Variants in PCDH9 observed in about 807,000 individuals in gnomAD.
PCDH9 encodes the protein protocadherin-9.
PCDH9 carries 24 observed loss-of-function variants against 70.6 expected under a neutral mutation model. That is an observed-to-expected ratio of 0.34 (90% CI 0.25 to 0.48). PCDH9 has a LOEUF of 0.48. Ranked by LOEUF, PCDH9 falls within the 20% of genes least tolerant of loss-of-function variation. The pLI, the probability that PCDH9 is intolerant of heterozygous loss-of-function variation, is 0.99. For synonymous variants in PCDH9, 562 were observed against 558.5 expected, an observed-to-expected ratio of 1.01 and a Z score of -0.09; for missense variants, 1,281 against 1,503.6, an observed-to-expected ratio of 0.85 and a Z score of 2.45.
At chr13:66,545,516 G>T (rs1247615885) in intron 4 of PCDH9, among the ~76,000 whole-genome samples, 1 of 152,142 alleles carries the variant, frequency 6.6e-6, no homozygotes, top group Non-Finnish European at 1.5e-5. Flanking sequence ...ACACAGTAAT[G>T]TGCCATATTA....
At chr13:67,189,301 A>G (rs2088847099) in intron 2 of PCDH9, among the ~76,000 whole-genome samples, 1 of 151,924 alleles carries the variant, frequency 6.6e-6, no homozygotes, top group South Asian at 2.1e-4. Context: ...TAAAAAGCAT[A>G]CTGTAACTTT....
At chr13:66,523,833 T>A (rs1231516643) in intron 4 of PCDH9, among the ~76,000 whole-genome samples, 3 of 152,130 alleles carry the variant, frequency 2.0e-5, no homozygotes, top group Admixed American at 6.6e-5. Context: ...AACAATTTTT[T>A]ATGATTTTTA....
chr13:67,154,648 A>G (rs1469790913), intron 2 of PCDH9, among the ~76,000 whole-genome samples: 1 of 103,390 alleles, frequency 9.7e-6, no homozygotes, highest in Non-Finnish European at 2.4e-5. Flanking sequence ...ACACACACAT[A>G]CAAGATACTC....
At chr13:67,182,181 A>G (rs1337329625) in intron 2 of PCDH9, among the ~76,000 whole-genome samples, 1 of 152,180 alleles carries the variant, frequency 6.6e-6, no homozygotes, top group African/African-American at 2.4e-5. Flanking sequence ...AACTACCTCC[A>G]TAATATTTCT....
intron 4 of PCDH9, among the ~76,000 whole-genome samples, chr13:66,585,658 A>G (rs577752305): frequency 6.6e-6 from 1 of 152,208 alleles, no homozygotes; most frequent in Non-Finnish European, 1.5e-5. Flanking sequence ...ATCTAATGAC[A>G]CTAACACTAG....
chr13:66,674,592 A>G (rs1200915766), intron 3 of PCDH9, among the ~76,000 whole-genome samples: 2 of 152,116 alleles, frequency 1.3e-5, no homozygotes, highest in Non-Finnish European at 2.9e-5. Context: ...AAATTGAAAT[A>G]AGAACTTTTC....
intron 3 of PCDH9, among the ~76,000 whole-genome samples, chr13:66,842,160 TTA>T (rs1219815033): frequency 6.6e-6 from 1 of 152,200 alleles, no homozygotes; most frequent in East Asian, 1.9e-4. Flanking sequence ...TAATTTAAAA[TTA>T]TGTTTTTCCT....
At chr13:66,496,809 A>G (rs1369589811) in intron 4 of PCDH9, among the ~76,000 whole-genome samples, 1 of 152,204 alleles carries the variant, frequency 6.6e-6, no homozygotes, top group Non-Finnish European at 1.5e-5. Flanking sequence ...AGTGGCAAGA[A>G]CAAATGCAAG....
chr13:66,531,427 A>T (rs1960449224), intron 4 of PCDH9, among the ~76,000 whole-genome samples: 1 of 152,132 alleles, frequency 6.6e-6, no homozygotes, highest in East Asian at 1.9e-4. Context: ...CAATCTGGAG[A>T]TCGAAAGCAC....
chr13:66,713,645 ATATATATAAT>A (rs2139135366), intron 3 of PCDH9, among the ~76,000 whole-genome samples: 1 of 144,082 alleles, frequency 6.9e-6, no homozygotes, highest in African/African-American at 2.6e-5. Flanking sequence ...ATATATATAT[ATATATATAAT>A]GTACACACAC....
chr13:66,748,826 G>A (rs2079412445), intron 3 of PCDH9, among the ~76,000 whole-genome samples: 1 of 152,092 alleles, frequency 6.6e-6, no homozygotes, highest in African/African-American at 2.4e-5. Context: ...TCTCTAATGT[G>A]GTTTGGCTCT....
intron 2 of PCDH9, among the ~76,000 whole-genome samples, chr13:67,169,847 A>G (rs1420045672): frequency 6.6e-6 from 1 of 152,204 alleles, no homozygotes; most frequent in Non-Finnish European, 1.5e-5. Flanking sequence ...GTTAATTGCT[A>G]AAAGACTCAC....
intron 3 of PCDH9, among the ~76,000 whole-genome samples, chr13:66,680,392 C>T (rs1479807962): frequency 6.6e-6 from 1 of 151,914 alleles, no homozygotes; most frequent in Non-Finnish European, 1.5e-5. Flanking sequence ...ATTTCTGCAA[C>T]CTGTGATATT....
intron 2 of PCDH9, among the ~76,000 whole-genome samples, chr13:67,198,430 T>C (rs906004814): frequency 6.6e-6 from 1 of 151,930 alleles, no homozygotes; most frequent in African/African-American, 2.4e-5. Flanking sequence ...AGTTTTCTTT[T>C]GAATTCACAG....
chr13:67,155,467 T>C (rs903763154), intron 2 of PCDH9, among the ~76,000 whole-genome samples: 35 of 152,194 alleles, frequency 2.3e-4, no homozygotes, highest in Admixed American at 2.0e-4. Flanking sequence ...TATTTTGAAA[T>C]TGGATCATAA....
intron 3 of PCDH9, among the ~76,000 whole-genome samples, chr13:66,752,007 G>T (rs1566170358): frequency 6.6e-6 from 1 of 152,164 alleles, no homozygotes; most frequent in Non-Finnish European, 1.5e-5. Flanking sequence ...AATTTACTAT[G>T]ATTAAGGAGA....
intron 2 of PCDH9, among the ~76,000 whole-genome samples, chr13:67,187,374 C>T (rs764887871): frequency 7.9e-5 from 12 of 152,038 alleles, no homozygotes; most frequent in African/African-American, 1.4e-4. Context: ...CCAAAGTGTC[C>T]GCGAATGGAT....
At chr13:67,189,137 T>C (rs1056153661) in intron 2 of PCDH9, among the ~76,000 whole-genome samples, 4 of 151,858 alleles carry the variant, frequency 2.6e-5, no homozygotes, top group African/African-American at 9.7e-5. Flanking sequence ...TATATATATA[T>C]GAAGGAATAC....
chr13:66,859,350 A>G (rs931970477), intron 3 of PCDH9, among the ~76,000 whole-genome samples: 5 of 152,092 alleles, frequency 3.3e-5, no homozygotes, highest in African/African-American at 1.2e-4. Flanking sequence ...TTTAATTTCT[A>G]TTAGTGTTTG....
Sources: gnomAD v4.1 joint callset for allele counts (sites outside exome capture counted in the v4.1 genomes callset) on GRCh38, gnomAD v4.1.1 for gene constraint, MANE v1.5 for transcripts, NCBI Gene and HGNC (gene_info 2026-07-23, HGNC 2026-07-21) for gene names.